MTHFD1L: variants seen among roughly 807,000 people sequenced by gnomAD.
The protein encoded by MTHFD1L is methylenetetrahydrofolate dehydrogenase (NADP+ dependent) 1 like.
A neutral mutation model predicts 119.5 loss-of-function variants in MTHFD1L; 81 were observed. The ratio of observed to expected loss-of-function variants is 0.68; its 90% CI spans 0.57 to 0.82. The LOEUF (loss-of-function observed/expected upper bound fraction) is 0.82. Ranked by LOEUF, MTHFD1L falls within the 40% of genes least tolerant of loss-of-function variation. MTHFD1L has a pLI of 0.00. For synonymous variants in MTHFD1L, 430 were observed against 475.2 expected (o/e 0.90, Z 1.24); for missense variants, 1,125 against 1,253.4 (o/e 0.90, Z 1.55).
At position 150,944,512 on chromosome 6, in the gene MTHFD1L, C is replaced by A; in HGVS notation, c.1467C>A (p.Ile489=). The A allele has an allele frequency of 6.2e-7, 1 of 1,613,870 alleles. No individual in the cohort carries two copies. The highest frequency in any genetic ancestry group is 1.6e-4 in the Middle Eastern group (1 of 6,062). Residue 489 remains isoleucine, a synonymous_variant, in exon 14 of 28, where the codon ATC becomes ATA. Coordinates refer to ENST00000367321, the MANE Select transcript of MTHFD1L (RefSeq NM_015440.5). ...EEFNLHLTGD[I]HAITAANNLL... ...TCAACCTTCACTTGACTGGAGACATCCACGCCATCACCGCTGCCAATAACT... is the reference window on the plus strand; with the variant it reads ...TCAACCTTCACTTGACTGGAGACATACACGCCATCACCGCTGCCAATAACT...
intron 20 of MTHFD1L, among the ~76,000 whole-genome samples, chr6:150,999,476 G>T (rs145694087): frequency 2.6e-3 from 402 of 152,274 alleles, no homozygotes; most frequent in Non-Finnish European, 3.7e-3. Flanking sequence ...AGAGCAGAAG[G>T]CTTAAAGCTC....
At position 150,960,009 on chromosome 6, in the gene MTHFD1L, G is replaced by A. The variant is rs573401823; in HGVS notation, c.1804-266G>A. On this transcript the variant is annotated intron_variant, in intron 17 of 27. Coordinates refer to ENST00000367321, the MANE Select transcript of MTHFD1L (RefSeq NM_015440.5). The stretch of plus-strand genomic sequence containing the variant: ...CCATGTGGTAGTGCTGTGAGCGGGT[G>A]TAACAGGGGTCCTAACTCAGCCCAC... 3.9e-4 allele frequency among the ~76,000 whole-genome samples: 59 copies of A among 152,328 alleles called. No individual in the cohort carries two copies. In the South Asian group the frequency reaches 7.5e-3, roughly 19 times the overall value.
chr6:150,930,708 A>G (rs974136386), intron 11 of MTHFD1L, among the ~76,000 whole-genome samples: 9 of 152,004 alleles, frequency 5.9e-5, no homozygotes, highest in African/African-American at 1.9e-4. Flanking sequence ...CTAAATAACA[A>G]TATATTTGTT....
At chr6:150,946,258 T>C in intron 15 of MTHFD1L, among the ~76,000 whole-genome samples, 1 of 152,186 alleles carries the variant, frequency 6.6e-6, no homozygotes, top group East Asian at 1.9e-4. Context: ...CAAGTGATTC[T>C]CCTGCCTCAG....
chr6:150,964,829 A>G (rs1229693576), intron 18 of MTHFD1L, 140 bp from the exon 19 acceptor site: 3 of 627,232 alleles, frequency 4.8e-6, no homozygotes, highest in South Asian at 4.0e-5. Flanking sequence ...GTGGACAGAG[A>G]CAGCAGCACT....
At position 151,021,580 on chromosome 6, in the gene MTHFD1L, A is replaced by T. The variant is rs962683149; in HGVS notation, c.2586+5887A>T. 1.5e-4 allele frequency among the ~76,000 whole-genome samples: 23 copies of T among 152,100 alleles called. 1 individual carries two copies. ...AAAAAATGGAGGAAAGTAGTCAATC[A>T]ATGCTGGTTCTTCCTCCTGTCATGT... On this transcript the variant is annotated intron_variant, in intron 24 of 27. Coordinates refer to ENST00000367321, the MANE Select transcript of MTHFD1L (RefSeq NM_015440.5).
At chr6:150,894,353 A>T (rs1783858478) in intron 7 of MTHFD1L, among the ~76,000 whole-genome samples, 1 of 152,108 alleles carries the variant, frequency 6.6e-6, no homozygotes, top group South Asian at 2.1e-4. Flanking sequence ...TGGGTGGGGG[A>T]AGGAGAGAGT....
chr6:151,100,662 T>C (rs1158041493), intron 27 of MTHFD1L, among the ~76,000 whole-genome samples: 1 of 151,676 alleles, frequency 6.6e-6, no homozygotes, highest in African/African-American at 2.4e-5. Context: ...TTTTTTAATG[T>C]AGTTTATTTC....
intron 15 of MTHFD1L, among the ~76,000 whole-genome samples, chr6:150,946,452 A>T (rs1793963173): frequency 6.6e-6 from 1 of 152,164 alleles, no homozygotes; most frequent in Admixed American, 6.5e-5. Context: ...GCCCAGCCTC[A>T]TCTACGTTTT....
At chr6:151,024,179 G>A (rs375965997) in intron 24 of MTHFD1L, among the ~76,000 whole-genome samples, 31 of 151,828 alleles carry the variant, frequency 2.0e-4, no homozygotes, top group African/African-American at 7.3e-4. Context: ...CATTCATTTC[G>A]CTCTTGTAAC....
chr6:150,885,706 A>G lies in MTHFD1L; in HGVS notation c.615A>G (p.Lys205=), dbSNP rs1161673952. 6.2e-7 allele frequency: 1 copy of G among 1,613,958 alleles called. No homozygotes were observed. The highest frequency in any genetic ancestry group is 1.1e-5 in the South Asian group (1 of 91,056). Residue 205 remains lysine (K), a synonymous_variant, in exon 6 of 28, where the codon AAA becomes AAG. Transcript: ENST00000367321. ...AHECFVSPVA[K]AVIELLEKSG... is the part of the protein sequence containing the mutation. ...AATGTTTTGTTTCACCTGTTGCCAA[A>G]GCTGTAATTGAACTTCTTGAAAAAT...
At position 150,938,710 on chromosome 6, in the gene MTHFD1L, G is replaced by C; in HGVS notation, c.1405G>C (p.Gly469Arg). The C allele has an allele frequency of 1.2e-6, 2 of 1,610,898 alleles. No individual in the cohort carries two copies. The highest frequency in any genetic ancestry group is 1.7e-6 in the Non-Finnish European group (2 of 1,178,920). Residue 469 changes from glycine (G) to arginine (R), a missense_variant, in exon 13 of 28, where the codon GGT (glycine) becomes CGT (arginine). Transcript: ENST00000367321. ...PTFGVKGGAAGGGYAQVIPME... is the reference protein window; with the variant it reads ...PTFGVKGGAARGGYAQVIPME... Reference sequence around the variant, plus strand: ...GCTCTGTTGTTTAGGAGGAGCCGCGGGTGGTGGATATGCCCAGGTCATCCC... The same window carrying C: ...GCTCTGTTGTTTAGGAGGAGCCGCGCGTGGTGGATATGCCCAGGTCATCCC...
chr6:150,998,997 T>A (rs536856929), intron 20 of MTHFD1L, among the ~76,000 whole-genome samples: 4,690 of 110,082 alleles, frequency 0.043, 160 homozygotes, highest in African/African-American at 0.086. Context: ...CTTAAAAAAA[T>A]ATATATACAT....
chr6:151,040,401 G>A (rs115205533), intron 26 of MTHFD1L, among the ~76,000 whole-genome samples: 5,515 of 152,270 alleles, frequency 0.036, 363 homozygotes, highest in African/African-American at 0.13. Context: ...TCACTACTGA[G>A]CATTTAATAG....
At chr6:150,940,154 C>T (rs752373054) in intron 13 of MTHFD1L, among the ~76,000 whole-genome samples, 10 of 152,140 alleles carry the variant, frequency 6.6e-5, no homozygotes, top group Non-Finnish European at 1.3e-4. Context: ...TTGGCTGTGG[C>T]GAGTTGCGGG....
chr6:150,903,084 C>T (rs1373747650), intron 7 of MTHFD1L, among the ~76,000 whole-genome samples: 1 of 151,974 alleles, frequency 6.6e-6, no homozygotes, highest in Admixed American at 6.6e-5. Flanking sequence ...AATCCTCTTT[C>T]CACTAGAACA....
intron 26 of MTHFD1L, among the ~76,000 whole-genome samples, chr6:151,046,065 TA>T (rs1787961328): frequency 6.6e-6 from 1 of 152,326 alleles, no homozygotes; most frequent in Middle Eastern, 3.4e-3. Flanking sequence ...TAAGGTTATC[TA>T]GGTCCAATCC....
intron 1 of MTHFD1L, among the ~76,000 whole-genome samples, chr6:150,867,343 T>C (rs1274544231): frequency 6.6e-6 from 1 of 152,160 alleles, no homozygotes; most frequent in Non-Finnish European, 1.5e-5. Context: ...AGGTGTGCGC[T>C]ACCATGCCCG....
chr6:150,962,914 CTTTTT>C (rs4035893), intron 18 of MTHFD1L, among the ~76,000 whole-genome samples: 1 of 114,146 alleles, frequency 8.8e-6, no homozygotes, highest in African/African-American at 3.3e-5. Context: ...CTTTTCTTTT[CTTTTT>C]TTTTTTTTTT....
Sources: allele counts gnomAD v4.1 joint callset (sites outside exome capture counted in the v4.1 genomes callset), GRCh38; gene constraint gnomAD v4.1.1; transcripts MANE v1.5; gene names NCBI Gene and HGNC (gene_info 2026-07-23, HGNC 2026-07-21).